Variants in SMO observed in about 807,000 individuals in gnomAD.
The protein encoded by SMO is smoothened, frizzled class receptor.
A neutral mutation model predicts 81.6 loss-of-function variants in SMO; 40 were observed. The ratio of observed to expected loss-of-function variants is 0.49; its 90% CI spans 0.38 to 0.64. The LOEUF (loss-of-function observed/expected upper bound fraction) is 0.64. Among genes scored for constraint, SMO ranks in the 30% least tolerant of loss-of-function variants. The pLI is 0.00. For synonymous variants in SMO, 434 were observed against 432.1 expected (o/e 1.00, Z -0.05); for missense variants, 916 against 1,061.1 (o/e 0.86, Z 1.90).
chr7:129,190,053 G>A (rs1584651830), intron 1 of SMO, among the ~76,000 whole-genome samples: 1 of 152,220 alleles, frequency 6.6e-6, no homozygotes, highest in Admixed American at 6.5e-5. Context: ...GAAGCCTAGA[G>A]AACTGTGATC....
Position 129,210,815 on chromosome 7 carries a change from GCA to G in SMO, c.1653-149_1653-148del. 1 of 799,600 alleles carries G rather than the reference GCA, an allele frequency of 1.3e-6. No individual in the cohort carries two copies. 49.5% of individuals were successfully genotyped at this position (799,600 alleles called of 1,614,324 possible). ...CTCTGCATTCTGGCCCCACTTCTTT[GCA>G]GAGAAGGCCTCTACTCCTGAGTCCT... On this transcript the variant is annotated intron_variant, in intron 9 of 11. Coordinates refer to ENST00000249373, the MANE Select transcript of SMO (RefSeq NM_005631.5). This position sits in a 1 kb window ranked among gnomAD's most constrained non-coding sequence, Gnocchi z 4.7.
At chr7:129,199,809 C>A (rs1793641748) in intron 1 of SMO, among the ~76,000 whole-genome samples, 1 of 152,122 alleles carries the variant, frequency 6.6e-6, no homozygotes, top group African/African-American at 2.4e-5. Context: ...GTGGAATAAA[C>A]TACAACGAAA....
chr7:129,210,951 C>T lies in SMO; in HGVS notation c.1653-14C>T, dbSNP rs777395202. The T allele has an allele frequency of 2.0e-5, 32 of 1,591,712 alleles. No homozygotes were observed. The highest frequency in any genetic ancestry group is 3.3e-4 in the Middle Eastern group (2 of 5,994). On this transcript the variant is annotated splice_polypyrimidine_tract_variant and intron_variant, in intron 9 of 11. Transcript: ENST00000249373. This position sits in a 1 kb window ranked among gnomAD's most constrained non-coding sequence, Gnocchi z 4.7. Reference sequence around the variant, plus strand: ...AGCTTCTTCACGCTCCTTCCCTATCCCTTCTGCTCTCAGGTTGACTGGGCA... The same window carrying T: ...AGCTTCTTCACGCTCCTTCCCTATCTCTTCTGCTCTCAGGTTGACTGGGCA...
Position 129,190,812 on chromosome 7 carries a change from C to T in SMO, c.331+1330C>T, listed in dbSNP as rs530204352. 1.1e-3 allele frequency among the ~76,000 whole-genome samples: 168 copies of T among 152,314 alleles called. 6 individuals are homozygous for T. In the South Asian group the frequency reaches 0.034, roughly 31 times the overall value. On this transcript the variant is annotated intron_variant, in intron 1 of 11. Transcript: ENST00000249373. ...AACAACAGTGGCTTTGAAAACTCTGCAGATTACCATAGTGTAAGGTGGATG... is the reference window on the plus strand; with the variant it reads ...AACAACAGTGGCTTTGAAAACTCTGTAGATTACCATAGTGTAAGGTGGATG...
rs73721559 is a variant in SMO at position 129,207,303 on chromosome 7, A to G, written c.1264+716A>G. Among the ~76,000 whole-genome samples, 318 of 152,284 alleles carry G rather than the reference A, an allele frequency of 2.1e-3. 2 individuals are homozygous for G. Among genetic ancestry groups the G allele is most frequent in the African/African-American group, 7.2e-3 (301 of 41,552 alleles). ...CACATTAATTCGATATGTACTGTCA[A>G]TCTTCTGGAGCTTGGTTTTCATCTT... On this transcript the variant is annotated intron_variant, in intron 6 of 11. Transcript: ENST00000249373.
chr7:129,206,648 G>A lies in SMO; in HGVS notation c.1264+61G>A, dbSNP rs1397892901. On this transcript the variant is annotated intron_variant, in intron 6 of 11. Transcript: ENST00000249373. This position sits in a 1 kb window ranked among gnomAD's most constrained non-coding sequence, Gnocchi z 4.4. ...AAAATATACTGGGCACTTGCTGCCA[G>A]TACTGGGAGCTGCCAGCACGGCTGC... is the stretch of plus-strand genomic sequence containing the variant. The A allele has an allele frequency of 1.3e-6, 2 of 1,576,782 alleles. No individual in the cohort carries two copies. The highest frequency in any genetic ancestry group is 1.7e-6 in the Non-Finnish European group (2 of 1,155,236).
intron 1 of SMO, among the ~76,000 whole-genome samples, chr7:129,195,748 GA>G (rs1341990509): frequency 4.6e-5 from 7 of 152,048 alleles, no homozygotes; most frequent in African/African-American, 1.7e-4. Flanking sequence ...ATTATTTCAA[GA>G]TATCTGCAAC....
At chr7:129,198,498 C>A (rs1263654238) in intron 1 of SMO, among the ~76,000 whole-genome samples, 1 of 152,242 alleles carries the variant, frequency 6.6e-6, no homozygotes, top group Non-Finnish European at 1.5e-5. Context: ...TCAACTGAGT[C>A]CATGTAACAT....
At chr7:129,207,001 C>G (rs548651094) in intron 6 of SMO, among the ~76,000 whole-genome samples, 2 of 152,282 alleles carry the variant, frequency 1.3e-5, no homozygotes, top group East Asian at 3.9e-4. Flanking sequence ...TGCACCACCA[C>G]GTCTGGCTAA....
Position 129,189,054 on chromosome 7 carries a change from GAGCCGC to G in SMO, c.-97_-92del. 8.9e-7 allele frequency: 1 copy of G among 1,121,656 alleles called. No homozygotes were observed. The highest frequency in any genetic ancestry group is 1.1e-6 in the Non-Finnish European group (1 of 894,948). The allele number at this position is 1,121,656 out of a possible 1,614,324, so 69.5% of individuals were successfully genotyped here. On this transcript the variant is annotated 5_prime_UTR_variant, in exon 1 of 12. It removes the in-frame stop codon of an upstream open reading frame in the 5' UTR. Coordinates refer to ENST00000249373, the MANE Select transcript of SMO (RefSeq NM_005631.5). The surrounding 1 kb of genome is among the most constrained non-coding windows in gnomAD (Gnocchi z 4.7). Reference sequence around the variant, plus strand: ...GATTCTCTGGGCGCACAGGTCGCCTGAGCCGCCTCCGCGGCCGCCGAGGTCGTGCGT... The same window carrying G: ...GATTCTCTGGGCGCACAGGTCGCCTGCTCCGCGGCCGCCGAGGTCGTGCGT...
rs1793442706 is a variant in SMO, at chr7:129,189,179, C to A, written c.28C>A (p.Pro10Thr). The change falls in exon 1 of 12, where the codon CCG (proline) becomes ACG (threonine). Residue 10 changes from proline to threonine, a missense_variant. Pro to Thr is a conservative substitution (Grantham distance 38). Around this residue, in one of 4 missense-constraint regions of SMO, gnomAD observed 146 missense variants for 149.9 expected, o/e 0.97. Coordinates refer to ENST00000249373, the MANE Select transcript of SMO (RefSeq NM_005631.5). This position sits in a 1 kb window ranked among gnomAD's most constrained non-coding sequence, Gnocchi z 4.7. ...GGCCGCTGCCCGCCCAGCGCGGGGG[C>A]CGGAGCTCCCGCTCCTGGGGCTGCT... MAAARPARG[P>T]ELPLLGLLLL... 8.5e-7 allele frequency: 1 copy of A among 1,169,918 alleles called. No individual in the cohort carries two copies. The highest frequency in any genetic ancestry group is 1.1e-6 in the Non-Finnish European group (1 of 936,216). The allele number at this position is 1,169,918 out of a possible 1,614,324, so 72.5% of individuals were successfully genotyped here.
intron 1 of SMO, among the ~76,000 whole-genome samples, chr7:129,199,222 C>T (rs1379477682): frequency 6.9e-6 from 1 of 144,518 alleles, no homozygotes; most frequent in Admixed American, 7.1e-5. Context: ...TGTTCTGTCA[C>T]CCAGACTGGA....
rs1329170418 is a variant in SMO at position 129,208,099 on chromosome 7, G to A, written c.1265-660G>A. Among the ~76,000 whole-genome samples the A allele has an allele frequency of 3.3e-5, 5 of 152,026 alleles. No homozygotes were observed. The highest frequency in any genetic ancestry group is 1.2e-4 in the African/African-American group (5 of 41,380). ...AAATATATTGATATTAGTTTTGCTT[G>A]TTTCTTTTAACTTTTTTTAAGTGGC... On this transcript the variant is annotated intron_variant, in intron 6 of 11. Transcript: ENST00000249373. The surrounding 1 kb of genome is among the most constrained non-coding windows in gnomAD (Gnocchi z 5.2).
At chr7:129,197,464 G>A (rs1793603019) in intron 1 of SMO, among the ~76,000 whole-genome samples, 1 of 151,988 alleles carries the variant, frequency 6.6e-6, no homozygotes. Flanking sequence ...AAGTGTCACT[G>A]TCACCGAGGC....
chr7:129,206,061 G>T lies in SMO; in HGVS notation c.921-89G>T. 1 of 1,143,778 alleles carries T rather than the reference G, an allele frequency of 8.7e-7. No homozygotes were observed. Among genetic ancestry groups the T allele is most frequent in the South Asian group, 1.5e-5 (1 of 67,322 alleles). 70.9% of individuals were successfully genotyped at this position (1,143,778 alleles called of 1,614,324 possible). The stretch of plus-strand genomic sequence containing the variant: ...GACTTCTGGGAACCTCCAGACCTCA[G>T]CAGCTGAGGGTCTGGGCACAGGGTG... On this transcript the variant is annotated intron_variant, in intron 4 of 11. Transcript: ENST00000249373. The surrounding 1 kb of genome is among the most constrained non-coding windows in gnomAD (Gnocchi z 4.4).
rs1315962881 is a variant in SMO, at chr7:129,205,642, T to C, written c.780T>C (p.Asn260=). The part of the protein sequence containing the change: ...ATFVADWRNS[N]RYPAVILFYV... ...TCGTGGCTGACTGGCGGAACTCGAA[T>C]CGCTACCCTGCTGTTATTCTCTTCT... The change falls in exon 4 of 12, where the codon AAT becomes AAC. Residue 260 remains asparagine, a synonymous_variant. Coordinates refer to ENST00000249373, the MANE Select transcript of SMO (RefSeq NM_005631.5). The C allele has an allele frequency of 6.2e-7, 1 of 1,613,974 alleles. No individual in the cohort carries two copies.
intron 1 of SMO, among the ~76,000 whole-genome samples, chr7:129,190,207 A>C (rs1283942261): frequency 6.6e-6 from 1 of 152,198 alleles, no homozygotes; most frequent in African/African-American, 2.4e-5. Flanking sequence ...GAGGCTGGTC[A>C]GGGCTGTGGA....
intron 8 of SMO, 95 bp downstream of exon 8, chr7:129,209,492 GT>G: frequency 1.3e-6 from 1 of 753,058 alleles, no homozygotes; most frequent in East Asian, 2.6e-5. Flanking sequence ...GATTTGCCAG[GT>G]CCCTGCTGCA....
At chr7:129,205,879 A>G in intron 4 of SMO, 97 bp downstream of exon 4, 6 of 1,150,912 alleles carry the variant, frequency 5.2e-6, no homozygotes, top group Non-Finnish European at 7.5e-6. Context: ...ACCGAGATCC[A>G]GGGCAGGATC....
Sources: allele counts gnomAD v4.1 joint callset (sites outside exome capture counted in the v4.1 genomes callset), GRCh38; gene constraint gnomAD v4.1.1; regional missense constraint gnomAD v4.1.1; non-coding constraint Gnocchi (gnomAD v3.1); transcripts MANE v1.5; gene names NCBI Gene and HGNC (gene_info 2026-07-23, HGNC 2026-07-21).